Variants in PKHD1 observed in about 807,000 individuals in gnomAD.
PKHD1 encodes the protein PKHD1 ciliary IPT domain containing fibrocystin/polyductin.
PKHD1 carries 291 observed loss-of-function variants against 412.0 expected under a neutral mutation model. That is an observed-to-expected ratio of 0.71 (90% confidence interval 0.64 to 0.78). The LOEUF (loss-of-function observed/expected upper bound fraction) is 0.78. Among genes scored for constraint, PKHD1 ranks in the 30% least tolerant of loss-of-function variants. The pLI, the probability that PKHD1 is intolerant of heterozygous loss-of-function variation, is 0.00. For missense variants in PKHD1, 4,825 were observed against 4,950.7 expected (o/e 0.97, Z 0.76); for synonymous variants, 1,777 against 1,821.5 (o/e 0.98, Z 0.62).
chr6:51,634,063 A>T (rs1400032840), intron 64 of PKHD1, among the ~76,000 whole-genome samples: 6 of 137,876 alleles, frequency 4.4e-5, no homozygotes, highest in South Asian at 2.3e-4. Flanking sequence ...AGGTTTATTT[A>T]AAAAAAAAAA....
intron 55 of PKHD1, among the ~76,000 whole-genome samples, chr6:51,770,281 T>G (rs1267028365): frequency 2.0e-5 from 3 of 151,880 alleles, no homozygotes; most frequent in East Asian, 3.9e-4. Context: ...GTTAGTGTTT[T>G]GCTATGATTG....
At position 51,632,568 on chromosome 6, in the gene PKHD1, T is replaced by C; in HGVS notation, c.11662A>G (p.Arg3888Gly). ...AAATAAAAAAAAAACTACATACTTC[T>C]GCTTTTGCTTCTTTTAAGCCAACAG... ...VCCWLKRSKS[R>G]KTKPEEIPES... The change falls in exon 65 of 67, where the codon AGA becomes GGA. Residue 3888 changes from arginine to glycine, a missense_variant. Physicochemically the swap from Arg to Gly is moderately radical, Grantham distance 125. Transcript: ENST00000371117. The C allele has an allele frequency of 6.2e-7, 1 of 1,612,058 alleles. No individual in the cohort carries two copies. Among genetic ancestry groups the C allele is most frequent in the Non-Finnish European group, 8.5e-7 (1 of 1,178,808 alleles).
At position 51,911,887 on chromosome 6, in the gene PKHD1, C is replaced by A. The variant is rs1783002703; in HGVS notation, c.6402G>T (p.Leu2134=). The change falls in exon 39 of 67, where the codon CTG becomes CTT. Residue 2134 remains leucine, a synonymous_variant. Transcript: ENST00000371117. ...EHHILKATVA[L]LSRSITIQGN... is the part of the protein sequence containing the mutation. ...CTTGTATGGTAATACTCCTGCTGAG[C>A]AGAGCCACAGTGGCCTTTAAAATAT... The A allele has an allele frequency of 6.2e-7, 1 of 1,611,592 alleles. No individual in the cohort carries two copies. Among genetic ancestry groups the A allele is most frequent in the Non-Finnish European group, 8.5e-7 (1 of 1,177,944 alleles).
chr6:51,867,438 G>A (rs1039236995), intron 48 of PKHD1, among the ~76,000 whole-genome samples: 1 of 152,080 alleles, frequency 6.6e-6, no homozygotes, highest in African/African-American at 2.4e-5. Flanking sequence ...AGTAATAGGA[G>A]GCATCAGCAA....
At chr6:51,673,220 T>C (rs1775281919) in intron 60 of PKHD1, among the ~76,000 whole-genome samples, 1 of 152,302 alleles carries the variant, frequency 6.6e-6, no homozygotes, top group Admixed American at 6.5e-5. Context: ...GCTTCCGTGT[T>C]TTCCCTGATA....
At chr6:51,632,430 C>T in intron 65 of PKHD1, 135 bp downstream of exon 65, 1 of 696,036 alleles carries the variant, frequency 1.4e-6, no homozygotes, top group Middle Eastern at 3.6e-4. Context: ...AACAATTTGG[C>T]TTTGTGTAAT....
rs1291807524 is a variant in PKHD1, at chr6:51,652,560, T to C, written c.11175-3340A>G. 4.6e-3 allele frequency among the ~76,000 whole-genome samples: 55 copies of C among 11,998 alleles called. 17 individuals are homozygous for C. The highest frequency in any genetic ancestry group is 8.8e-3 in the Admixed American group (8 of 914). The allele number at this position is 11,998 out of a possible 152,430, so 7.9% of individuals were successfully genotyped here. On this transcript the variant is annotated intron_variant, in intron 61 of 66. Coordinates refer to ENST00000371117, the MANE Select transcript of PKHD1 (RefSeq NM_138694.4). ...ATGTCCTGAGCATTTTTTATCTCTC[T>C]TGTTTTTTTTTTTTTTTTTTTTTTT...
chr6:51,746,609 A>T, intron 59 of PKHD1, 112 bp downstream of exon 59: 1 of 745,452 alleles, frequency 1.3e-6, no homozygotes, highest in Non-Finnish European at 2.4e-6. Context: ...CCATTCTAAG[A>T]TTCATTTCTA....
rs1213580225 is a variant in PKHD1, at chr6:51,807,449, AAAAAAAAAAAT to A, written c.8303-16087_8303-16077del. ...CGAGACTCTGTCTCAAAAAAAAAAAAAAAAAAAAAATATATATATATATATATATATGTATA... is the reference window on the plus strand; with the variant it reads ...CGAGACTCTGTCTCAAAAAAAAAAAAATATATATATATATATATATGTATA... On this transcript the variant is annotated intron_variant, in intron 52 of 66. Transcript: ENST00000371117. 1.1e-3 allele frequency among the ~76,000 whole-genome samples: 106 copies of A among 100,678 alleles called. 2 individuals carry two copies. The South Asian group carries it at 0.012, about 11-fold the overall frequency. The allele number at this position is 100,678 out of a possible 152,430, so 66.0% of individuals were successfully genotyped here.
In PKHD1 at chr6:51,791,254, C is replaced by T; in HGVS notation, c.8422G>A (p.Gly2808Ser). 6.2e-7 allele frequency: 1 copy of T among 1,614,024 alleles called. No individual in the cohort carries two copies. Among genetic ancestry groups the T allele is most frequent in the Non-Finnish European group, 8.5e-7 (1 of 1,179,916 alleles). ...TACTCACCAACTTTCAGCTCCCCGCCTGCAATGACCATGCATGCCACACTC... is the reference window on the plus strand; with the variant it reads ...TACTCACCAACTTTCAGCTCCCCGCTTGCAATGACCATGCATGCCACACTC... ...VLSVACMVIAGGELKVGTLEN... is the reference protein window; with the variant it reads ...VLSVACMVIASGELKVGTLEN... Residue 2808 changes from glycine (G) to serine (S), a missense_variant, in exon 53 of 67, where the codon GGC (glycine) becomes AGC (serine). Gly to Ser is a moderately conservative substitution (Grantham distance 56). Transcript: ENST00000371117.
At chr6:51,872,875 CTTTTTT>C (rs33953182) in intron 46 of PKHD1, among the ~76,000 whole-genome samples, 16 of 81,492 alleles carry the variant, frequency 2.0e-4, no homozygotes, top group African/African-American at 3.1e-4. Flanking sequence ...CCATCGTTTC[CTTTTTT>C]TTTTTTTTTT....
intron 66 of PKHD1, chr6:51,622,624 A>G (rs1766767717): frequency 6.6e-6 from 1 of 152,224 alleles, no homozygotes; most frequent in Admixed American, 6.5e-5. Flanking sequence ...TCTTCTTAAT[A>G]AGCAATGTAT....
chr6:51,947,285 T>G (rs954925163), intron 36 of PKHD1, among the ~76,000 whole-genome samples: 1 of 152,192 alleles, frequency 6.6e-6, no homozygotes, highest in Non-Finnish European at 1.5e-5. Context: ...TTTCTTTCAT[T>G]TTCTCATCTC....
intron 36 of PKHD1, among the ~76,000 whole-genome samples, chr6:51,935,866 G>A (rs958710718): frequency 9.2e-5 from 14 of 152,090 alleles, no homozygotes; most frequent in African/African-American, 2.2e-4. Flanking sequence ...TGGAATTATC[G>A]GAATGTTCTG....
At chr6:51,756,774 A>AG (rs1450246683) in intron 55 of PKHD1, among the ~76,000 whole-genome samples, 1 of 152,178 alleles carries the variant, frequency 6.6e-6, no homozygotes, top group Non-Finnish European at 1.5e-5. Flanking sequence ...TATTGTAGTT[A>AG]GGGAAAAAAA....
chr6:51,840,578 C>G (rs1770004771), intron 50 of PKHD1, among the ~76,000 whole-genome samples: 1 of 151,190 alleles, frequency 6.6e-6, no homozygotes, highest in Non-Finnish European at 1.5e-5. Context: ...TTGTGATTTC[C>G]CAGACCCTGC....
At chr6:51,738,822 G>C (rs1393588104) in intron 60 of PKHD1, among the ~76,000 whole-genome samples, 1 of 151,908 alleles carries the variant, frequency 6.6e-6, no homozygotes, top group African/African-American at 2.4e-5. Context: ...CCTCTGCCTG[G>C]AAGTCTCCTC....
At chr6:51,724,048 T>C (rs141748124) in intron 60 of PKHD1, among the ~76,000 whole-genome samples, 8 of 152,258 alleles carry the variant, frequency 5.3e-5, no homozygotes, top group Middle Eastern at 6.8e-3. Flanking sequence ...TCTAAGAATC[T>C]TATCAACTAA....
At chr6:51,971,673 GT>G (rs111404708) in intron 35 of PKHD1, among the ~76,000 whole-genome samples, 55 of 151,676 alleles carry the variant, frequency 3.6e-4, no homozygotes, top group African/African-American at 1.3e-3. Context: ...GGATAACGAA[GT>G]TTTTTGTTTG....
Sources: allele counts gnomAD v4.1 joint callset (sites outside exome capture counted in the v4.1 genomes callset), GRCh38; gene constraint gnomAD v4.1.1; transcripts MANE v1.5; gene names NCBI Gene and HGNC (gene_info 2026-07-23, HGNC 2026-07-21).